Variants in MYOCOS observed in about 807,000 individuals in gnomAD.
MYOCOS encodes myocilin opposite strand protein.
intron 1 of MYOCOS, among the ~76,000 whole-genome samples, chr1:171,614,387 GGATCA>G (rs1652410683): frequency 6.6e-6 from 1 of 152,166 alleles, no homozygotes; most frequent in African/African-American, 2.4e-5. Flanking sequence ...TTGGGCAGAG[GGATCA>G]GTTGAACTGT....
At chr1:171,618,031 TGAGAATTGGGAAGATGTGTTG>T (rs961679356), upstream of MYOCOS, among the ~76,000 whole-genome samples, 1 of 152,112 alleles carries the variant, frequency 6.6e-6, no homozygotes, top group Admixed American at 6.5e-5. Flanking sequence ...CAGCTAAGAA[TGAGAATTGGGAAGATGTGTTG>T]GAGGTTTGAG....
At chr1:171,613,546 AT>A (rs35731495) in intron 1 of MYOCOS, among the ~76,000 whole-genome samples, 6 of 148,304 alleles carry the variant, frequency 4.0e-5, no homozygotes, top group African/African-American at 7.4e-5. Flanking sequence ...TCTGTGATGC[AT>A]TTTTTTTTTG....
chr1:171,613,188 T>C (rs1464406342), intron 1 of MYOCOS, among the ~76,000 whole-genome samples: 1 of 152,176 alleles, frequency 6.6e-6, no homozygotes, highest in Non-Finnish European at 1.5e-5. Flanking sequence ...ACACTTGCCA[T>C]GGTATTATAA....
At chr1:171,601,173 C>T (rs1369864604) in intron 1 of MYOCOS, 1 of 152,314 alleles carries the variant, frequency 6.6e-6, no homozygotes, top group East Asian at 1.9e-4. Flanking sequence ...CAGGAAGGAA[C>T]TGGCACTTGG....
At chr1:171,615,043 T>C (rs1344710586) in intron 2 of MYOCOS, 2 of 151,854 alleles carry the variant, frequency 1.3e-5, no homozygotes, top group African/African-American at 4.8e-5. Flanking sequence ...GAAATCAGGG[T>C]GGGGGGAAGA....
chr1:171,612,912 A>G (rs549272967), intron 1 of MYOCOS, among the ~76,000 whole-genome samples: 1 of 152,312 alleles, frequency 6.6e-6, no homozygotes, highest in Non-Finnish European at 1.5e-5. Context: ...CCAATTATAC[A>G]TTCAAAGAGC....
intron 2 of MYOCOS, chr1:171,615,061 T>C (rs1652422899): frequency 1.3e-5 from 2 of 152,204 alleles, no homozygotes; most frequent in Non-Finnish European, 2.9e-5. Flanking sequence ...AGAAGGCAGA[T>C]TGTATCAGAC....
At position 171,614,394 on chromosome 1, in the gene MYOCOS, T is replaced by C. The variant is rs1037657173; in HGVS notation, c.-251-404T>C. Among the ~76,000 whole-genome samples, 16 of 152,296 alleles carry C rather than the reference T, an allele frequency of 1.1e-4. No homozygotes were observed. The East Asian group carries it at 2.5e-3, about 24-fold the overall frequency. On this transcript the variant is annotated intron_variant, in intron 1 of 3. Transcript: ENST00000636697. ...AAGTAGGTTTGGGCAGAGGGATCAG[T>C]TGAACTGTGGCACAGTCACAATAAA... is the stretch of plus-strand genomic sequence containing the variant.
intron 1 of MYOCOS, among the ~76,000 whole-genome samples, chr1:171,622,696 C>T (rs931103088): frequency 1.3e-5 from 2 of 152,144 alleles, no homozygotes; most frequent in African/African-American, 2.4e-5. Context: ...GCAGTCACCA[C>T]GTGAGTGTGA....
At chr1:171,617,165 C>A (rs1652465607) in intron 2 of MYOCOS, among the ~76,000 whole-genome samples, 4 of 152,106 alleles carry the variant, frequency 2.6e-5, no homozygotes, top group African/African-American at 9.7e-5. Context: ...TGAGAAAGTT[C>A]TTGATGAGAG....
intron 1 of MYOCOS, among the ~76,000 whole-genome samples, chr1:171,603,863 G>A (rs1165821146): frequency 6.6e-6 from 1 of 152,212 alleles, no homozygotes; most frequent in Non-Finnish European, 1.5e-5. Flanking sequence ...AAGCAGATAA[G>A]CTAACTCTTA....
chr1:171,624,687 T>C (rs1397986730), intron 2 of MYOCOS, among the ~76,000 whole-genome samples: 1 of 152,128 alleles, frequency 6.6e-6, no homozygotes, highest in African/African-American at 2.4e-5. Flanking sequence ...GACCTTGTGA[T>C]CTGCCCGCCT....
intron 1 of MYOCOS, among the ~76,000 whole-genome samples, chr1:171,607,049 AC>A (rs1652257454): frequency 6.7e-6 from 1 of 148,510 alleles, no homozygotes; most frequent in Non-Finnish European, 1.5e-5. Context: ...AGCAGAGATC[AC>A]ACCACTGCAC....
chr1:171,615,972 C>A (rs1272539564), intron 2 of MYOCOS, among the ~76,000 whole-genome samples: 1 of 152,150 alleles, frequency 6.6e-6, no homozygotes, highest in East Asian at 1.9e-4. Flanking sequence ...AATCCCAGGG[C>A]TTTGGGAGGC....
At chr1:171,609,408 G>C (rs1171796396) in intron 1 of MYOCOS, among the ~76,000 whole-genome samples, 1 of 152,156 alleles carries the variant, frequency 6.6e-6, no homozygotes, top group African/African-American at 2.4e-5. Context: ...GGAAGCTATA[G>C]TGTAAAGGTG....
intron 1 of MYOCOS, among the ~76,000 whole-genome samples, chr1:171,603,893 G>T (rs1156736133): frequency 6.6e-6 from 1 of 152,054 alleles, no homozygotes; most frequent in Non-Finnish European, 1.5e-5. Context: ...TAAACATAAA[G>T]TCCCCCCATG....
chr1:171,614,550 A>G lies in MYOCOS; in HGVS notation c.-251-248A>G, dbSNP rs185132336. On this transcript the variant is annotated intron_variant, in intron 1 of 3. Coordinates refer to the MYOCOS transcript ENST00000636697. Reference sequence around the variant, plus strand: ...AGTCATTTGTTGCAGGCTAGCCTTTATCTCTTAGGAGAGGGGCAGAAACGT... The same window carrying G: ...AGTCATTTGTTGCAGGCTAGCCTTTGTCTCTTAGGAGAGGGGCAGAAACGT... Among the ~76,000 whole-genome samples the G allele has an allele frequency of 7.9e-5, 12 of 152,276 alleles. No individual in the cohort carries two copies. The East Asian group carries it at 1.9e-3, about 24-fold the overall frequency.
upstream of MYOCOS, among the ~76,000 whole-genome samples, chr1:171,618,768 G>T (rs966239347): frequency 6.6e-5 from 10 of 152,160 alleles, no homozygotes; most frequent in Non-Finnish European, 1.5e-4. Context: ...TAGAGACGGG[G>T]TTTCACCATG....
rs1308195338 is a variant in MYOCOS at position 171,626,586 on chromosome 1, T to A, written c.228T>A (p.Asp76Glu). The A allele has an allele frequency of 2.5e-6, 1 of 398,474 alleles. No individual in the cohort carries two copies. Among genetic ancestry groups the A allele is most frequent in the Non-Finnish European group, 4.4e-6 (1 of 226,070 alleles). The allele number at this position is 398,474 out of a possible 1,614,324, so 24.7% of individuals were successfully genotyped here. ...CCCCACCTCCTTCTCCAGCTGAGGA[T>A]CCCACGGTCTCCTAAGATGTAAAAC... ...PPAPPPSPAE[D>E]PTVS is the part of the protein sequence containing the mutation. Residue 76 changes from aspartate (D) to glutamate (E), a missense_variant, in exon 3 of 3, where the codon GAT (aspartate) becomes GAA (glutamate). Physicochemically the swap from Asp to Glu is conservative, Grantham distance 45. Transcript: ENST00000637642.
Sources: gnomAD v4.1 joint callset for allele counts (sites outside exome capture counted in the v4.1 genomes callset) on GRCh38, gnomAD v4.1.1 for gene constraint, MANE v1.5 for transcripts, NCBI Gene and HGNC (gene_info 2026-07-23, HGNC 2026-07-21) for gene names.